The following KIF23 variants were observed in gnomAD, a reference collection of about 807,000 sequenced individuals.
KIF23 encodes the protein kinesin-like protein KIF23.
A neutral mutation model predicts 137.5 loss-of-function variants in KIF23; 30 were observed. The ratio of observed to expected loss-of-function variants is 0.22; its 90% CI spans 0.16 to 0.30. The LOEUF is 0.30. KIF23 is among the 10% of genes least tolerant of loss of function. The pLI is 1.00. For missense variants in KIF23, 920 were observed against 1,194.3 expected, an observed-to-expected ratio of 0.77 and a Z score of 3.38; for synonymous variants, 367 against 391.1, an observed-to-expected ratio of 0.94 and a Z score of 0.73.
At chr15:69,434,849 A>G in intron 11 of KIF23, 1 of 822,284 alleles carries the variant, frequency 1.2e-6, no homozygotes, top group Non-Finnish European at 2.0e-6. Context: ...GGCACAGGGC[A>G]TAGCTGCTCA....
intron 11 of KIF23, among the ~76,000 whole-genome samples, chr15:69,431,131 G>C (rs990404800): frequency 1.3e-5 from 2 of 152,224 alleles, no homozygotes; most frequent in Non-Finnish European, 2.9e-5. Context: ...AGCTAGTTAG[G>C]ATGTGGAGAA....
At chr15:69,434,948 G>A (rs951092713) in intron 11 of KIF23, 8 of 655,836 alleles carry the variant, frequency 1.2e-5, no homozygotes, top group Admixed American at 7.8e-5. Flanking sequence ...CGGGCATGAG[G>A]ATGGGCGAGC....
chr15:69,421,933 G>C, intron 4 of KIF23, 59 bp from the exon 5 acceptor site: 1 of 1,586,084 alleles, frequency 6.3e-7, no homozygotes, highest in South Asian at 1.1e-5. Context: ...ATGCAGTGAA[G>C]AAATACTCTA....
At chr15:69,446,469 A>C in intron 22 of KIF23, 105 bp downstream of exon 22, 1 of 851,660 alleles carries the variant, frequency 1.2e-6, no homozygotes, top group Non-Finnish European at 1.9e-6. Flanking sequence ...CTGAGGTATA[A>C]TCTCACATTG....
At chr15:69,432,245 C>T (rs957951037) in intron 11 of KIF23, among the ~76,000 whole-genome samples, 1 of 152,048 alleles carries the variant, frequency 6.6e-6, no homozygotes, top group Non-Finnish European at 1.5e-5. Flanking sequence ...GTAGTTGGGG[C>T]ATATGGCAGA....
rs1222473303 is a variant in KIF23, at chr15:69,446,109, ATC to A, written c.2756+22_2756+23del. ...CCAAATGGGTAAGTAACCATCAAAA[ATC>A]TCTGTATAAAAGTTGGTCATTTTCT... On this transcript the variant is annotated intron_variant, in intron 21 of 23. Coordinates refer to ENST00000679126, the MANE Select transcript of KIF23 (RefSeq NM_001367805.3). 2 of 1,602,264 alleles carry A rather than the reference ATC, an allele frequency of 1.2e-6. No homozygotes were observed. Among genetic ancestry groups the A allele is most frequent in the African/African-American group, 2.7e-5 (2 of 74,770 alleles).
chr15:69,427,341 T>C (rs915279574), intron 10 of KIF23: 1 of 454,822 alleles, frequency 2.2e-6, no homozygotes, highest in South Asian at 1.6e-5. Flanking sequence ...GGCGATGACA[T>C]TAAAACTTTT....
Position 69,422,003 on chromosome 15 carries a change from A to G in KIF23, c.328A>G (p.Thr110Ala). 1 of 1,613,848 alleles carries G rather than the reference A, an allele frequency of 6.2e-7. No individual in the cohort carries two copies. Among genetic ancestry groups the G allele is most frequent in the Non-Finnish European group, 8.5e-7 (1 of 1,179,918 alleles). The part of the protein sequence containing the change: ...LIHGKNGLLF[T>A]YGVTGSGKTH... Reference sequence around the variant, plus strand: ...TTGCTACACTGTAGGTCTTCTTTTTACATATGGTGTGACGGGAAGTGGAAA... The same window carrying G: ...TTGCTACACTGTAGGTCTTCTTTTTGCATATGGTGTGACGGGAAGTGGAAA... Residue 110 changes from threonine (T) to alanine (A), a missense_variant, in exon 5 of 24, where the codon ACA becomes GCA. Coordinates refer to ENST00000679126, the MANE Select transcript of KIF23 (RefSeq NM_001367805.3).
At chr15:69,438,772 G>A (rs1303498281) in intron 16 of KIF23, among the ~76,000 whole-genome samples, 4 of 151,902 alleles carry the variant, frequency 2.6e-5, no homozygotes, top group African/African-American at 9.7e-5. Context: ...CTGCACTCCA[G>A]CCTGGGCGAC....
chr15:69,439,248 C>T (rs2140394082), intron 16 of KIF23, among the ~76,000 whole-genome samples: 1 of 151,384 alleles, frequency 6.6e-6, no homozygotes, highest in South Asian at 2.1e-4. Flanking sequence ...AACAAGGGAG[C>T]TTTCTAGAGC....
At chr15:69,420,015 AG>A (rs1230976717) in intron 3 of KIF23, among the ~76,000 whole-genome samples, 1 of 152,252 alleles carries the variant, frequency 6.6e-6, no homozygotes, top group African/African-American at 2.4e-5. Flanking sequence ...GTGTAATCCC[AG>A]CACTTTGGGA....
At chr15:69,414,993 C>G (rs2056860961) in intron 1 of KIF23, 1 of 153,534 alleles carries the variant, frequency 6.5e-6, no homozygotes, top group Non-Finnish European at 1.4e-5. Flanking sequence ...AGCACCCTGT[C>G]CTTGAGGCCG....
chr15:69,419,940 C>T (rs2057012540), intron 3 of KIF23, among the ~76,000 whole-genome samples: 1 of 152,138 alleles, frequency 6.6e-6, no homozygotes, highest in Non-Finnish European at 1.5e-5. Context: ...ATAGTCACTG[C>T]TTTCTGACAG....
chr15:69,426,487 G>A (rs369869719), intron 10 of KIF23, 30 bp downstream of exon 10: 15 of 1,605,254 alleles, frequency 9.3e-6, no homozygotes, highest in Admixed American at 8.6e-5. Context: ...AGTTTTTCTG[G>A]TTCTAACTCT....
rs755379747 is a variant in KIF23 at position 69,422,379 on chromosome 15, C to T, written c.507C>T (p.Ala169=). Residue 169 remains alanine (A), a synonymous_variant, in exon 6 of 24, where the codon GCC becomes GCT. Coordinates refer to ENST00000679126, the MANE Select transcript of KIF23 (RefSeq NM_001367805.3). ...NSMDIQCEVD[A]LLERQKREAM... Reference sequence around the variant, plus strand: ...TGGATATACAGTGTGAGGTTGATGCCTTATTAGAACGTCAGAAAAGAGAAG... The same window carrying T: ...TGGATATACAGTGTGAGGTTGATGCTTTATTAGAACGTCAGAAAAGAGAAG... 2 of 1,611,380 alleles carry T rather than the reference C, an allele frequency of 1.2e-6. No individual in the cohort carries two copies. The highest frequency in any genetic ancestry group is 1.7e-6 in the Non-Finnish European group (2 of 1,177,926).
At position 69,440,797 on chromosome 15, in the gene KIF23, C is replaced by T. The variant is rs751907295; in HGVS notation, c.2139C>T (p.Ser713=). ...CTAGTAACTATATTGCTCAGATTTC[C>T]AACGGCCAGCAACTCATGAGCCAGC... The part of the protein sequence containing the change: ...PLSSNYIAQI[S]NGQQLMSQPQ... The change falls in exon 19 of 24, where the codon TCC becomes TCT. Residue 713 remains serine (S), a synonymous_variant. Transcript: ENST00000679126. The T allele has an allele frequency of 2.5e-6, 4 of 1,611,032 alleles. No homozygotes were observed. The highest frequency in any genetic ancestry group is 3.4e-6 in the Non-Finnish European group (4 of 1,179,670).
At chr15:69,428,432 G>A (rs1034969427) in intron 10 of KIF23, among the ~76,000 whole-genome samples, 2 of 151,632 alleles carry the variant, frequency 1.3e-5, no homozygotes, top group African/African-American at 2.4e-5. Flanking sequence ...TGAGGCGGGC[G>A]GATCAACTGA....
Position 69,440,053 on chromosome 15 carries a change from G to T in KIF23, c.1905G>T (p.Thr635=). 1 of 1,613,622 alleles carries T rather than the reference G, an allele frequency of 6.2e-7. No homozygotes were observed. Among genetic ancestry groups the T allele is most frequent in the South Asian group, 1.1e-5 (1 of 91,006 alleles). The change falls in exon 17 of 24, where the codon ACG becomes ACT. Residue 635 remains threonine, a synonymous_variant. Transcript: ENST00000679126. ...EARLQGMVTE[T]TMKWEKECER... is the part of the protein sequence containing the mutation. ...GGTTGCAAGGCATGGTGACAGAAAC[G>T]ACAATGAAGTGGGAGAAAGAATGTG...
rs553164533 is a variant in KIF23, at chr15:69,417,723, A to G, written c.210+212A>G. Reference sequence around the variant, plus strand: ...GGGGTTAGAGGATTGCTTTTAGCAGATAATTTCTTACACTGAGTATTATTG... The same window carrying G: ...GGGGTTAGAGGATTGCTTTTAGCAGGTAATTTCTTACACTGAGTATTATTG... On this transcript the variant is annotated intron_variant, in intron 3 of 23. Coordinates refer to ENST00000679126, the MANE Select transcript of KIF23 (RefSeq NM_001367805.3). Among the ~76,000 whole-genome samples, 5 of 152,360 alleles carry G rather than the reference A, an allele frequency of 3.3e-5. No individual in the cohort carries two copies. In the South Asian group the frequency reaches 8.3e-4, roughly 25 times the overall value.
Sources: gnomAD v4.1 joint callset for allele counts (sites outside exome capture counted in the v4.1 genomes callset) on GRCh38, gnomAD v4.1.1 for gene constraint, MANE v1.5 for transcripts, NCBI Gene and HGNC (gene_info 2026-07-23, HGNC 2026-07-21) for gene names.